The following BBS7 variants were observed in gnomAD, a reference collection of about 807,000 sequenced individuals.
BBS7 encodes Bardet-Biedl syndrome 7.
Under a neutral mutation model 90.3 loss-of-function variants are expected in BBS7, and 50 were observed. The observed-to-expected ratio is 0.55, with a 90% confidence interval of 0.44 to 0.70. BBS7 has a LOEUF of 0.70. Ranked by LOEUF, BBS7 falls within the 30% of genes least tolerant of loss-of-function variation. The probability of loss-of-function intolerance (pLI) is 0.00; values close to 1 mark genes in which losing one functional copy is unlikely to be tolerated. For synonymous variants in BBS7, 235 were observed against 287.4 expected (o/e 0.82, Z 1.85); for missense variants, 729 against 838.9 (o/e 0.87, Z 1.62).
intron 1 of BBS7, among the ~76,000 whole-genome samples, chr4:121,869,608 A>T (rs908064945): frequency 3.3e-5 from 5 of 152,074 alleles, no homozygotes; most frequent in Non-Finnish European, 7.4e-5. Context: ...GCATGATGTC[A>T]GCTCACTGCA....
chr4:121,867,194 G>C (rs1197828180), intron 2 of BBS7, among the ~76,000 whole-genome samples: 1 of 151,688 alleles, frequency 6.6e-6, no homozygotes, highest in Admixed American at 6.6e-5. Context: ...TATTATAATT[G>C]GGATTGTGTT....
In BBS7 at chr4:121,849,045, T is replaced by G. The variant is rs1726167372; in HGVS notation, c.850-117A>C. The G allele has an allele frequency of 9.3e-6, 7 of 750,174 alleles. No homozygotes were observed. In the South Asian group the frequency reaches 1.1e-4, roughly 11 times the overall value. The allele number at this position is 750,174 out of a possible 1,614,324, so 46.5% of individuals were successfully genotyped here. A position where few individuals can be genotyped will look rare whatever the true frequency, so the allele number is the denominator to read the frequency against. On this transcript the variant is annotated intron_variant, in intron 8 of 18. Coordinates refer to ENST00000264499, the MANE Select transcript of BBS7 (RefSeq NM_176824.3). Reference sequence around the variant, plus strand: ...ACATTCAACATATATTTACTGAATGTTTATGTGCAGACACTCAGATTAGAA... The same window carrying G: ...ACATTCAACATATATTTACTGAATGGTTATGTGCAGACACTCAGATTAGAA...
chr4:121,840,234 T>C (rs1224961443), intron 12 of BBS7, among the ~76,000 whole-genome samples: 4 of 152,180 alleles, frequency 2.6e-5, no homozygotes, highest in Non-Finnish European at 5.9e-5. Flanking sequence ...TTCTCTTGGC[T>C]CTCATTTTCT....
intron 2 of BBS7, among the ~76,000 whole-genome samples, chr4:121,865,389 C>T (rs1358421493): frequency 6.6e-6 from 1 of 152,086 alleles, no homozygotes; most frequent in Non-Finnish European, 1.5e-5. Flanking sequence ...CAGATGCCTG[C>T]CATCGTGCCT....
chr4:121,858,726 T>C, intron 5 of BBS7: 1 of 361,842 alleles, frequency 2.8e-6, no homozygotes, highest in South Asian at 3.4e-5. Context: ...GTAGTCAAAG[T>C]ACTCCATTCT....
At position 121,861,550 on chromosome 4, in the gene BBS7, G is replaced by A; in HGVS notation, c.295C>T (p.Gln99Ter). ...EIRGFTKRGK[Q>*]FLSFETNLTE... ...AGGTTTGTTTCAAAGGAGAGGAACT[G>A]TTTTCCTCTTTTTGTGAAGCCTCTA... is the stretch of plus-strand genomic sequence containing the variant. Residue 99 changes from glutamine to a stop codon, truncating the protein, a stop_gained, in exon 4 of 19, where the codon CAG becomes TAG. Transcript: ENST00000264499. LOFTEE classifies it high-confidence loss of function. 1.2e-6 allele frequency: 2 copies of A among 1,613,660 alleles called. No individual in the cohort carries two copies. Among genetic ancestry groups the A allele is most frequent in the Non-Finnish European group, 8.5e-7 (1 of 1,179,712 alleles).
chr4:121,829,592 T>C (rs1725081323), intron 15 of BBS7, among the ~76,000 whole-genome samples: 1 of 152,178 alleles, frequency 6.6e-6, no homozygotes, highest in East Asian at 1.9e-4. Context: ...ACCACTCCTC[T>C]TTCTCTTGCC....
chr4:121,864,857 A>G (rs578072700), intron 2 of BBS7, among the ~76,000 whole-genome samples: 1 of 152,322 alleles, frequency 6.6e-6, no homozygotes. Flanking sequence ...CACTGGGATA[A>G]TTAGCATATC....
intron 3 of BBS7, 150 bp downstream of exon 3, chr4:121,863,067 T>C (rs111229342): frequency 1.4e-6 from 1 of 711,142 alleles, no homozygotes. Flanking sequence ...ACTTTTGTGC[T>C]ACCCGCAGAC....
At chr4:121,838,723 TA>T (rs534107493) in intron 13 of BBS7, among the ~76,000 whole-genome samples, 276 of 140,778 alleles carry the variant, frequency 2.0e-3, no homozygotes, top group Admixed American at 2.0e-3. Context: ...ACCCCGTCCC[TA>T]AAAAAAAAAA....
At chr4:121,841,136 A>G (rs1406056929) in intron 12 of BBS7, among the ~76,000 whole-genome samples, 2 of 152,182 alleles carry the variant, frequency 1.3e-5, no homozygotes, top group African/African-American at 4.8e-5. Context: ...CACGGTGCCA[A>G]GCCGTAAATG....
In BBS7 at chr4:121,853,067, G is replaced by A. The variant is rs1379710604; in HGVS notation, c.738C>T (p.Ser246=). The A allele has an allele frequency of 6.2e-7, 1 of 1,613,318 alleles. No individual in the cohort carries two copies. The highest frequency in any genetic ancestry group is 1.7e-5 in the Admixed American group (1 of 60,004). The change falls in exon 8 of 19, where the codon AGC becomes AGT. Residue 246 remains serine, a synonymous_variant. Transcript: ENST00000264499. ...KKRGGILCID[S]FDIVGDGVKD... Reference sequence around the variant, plus strand: ...TAACCCCATCACCCACAATGTCAAAGCTGTCAATACACAAAATACCTTTAA... The same window carrying A: ...TAACCCCATCACCCACAATGTCAAAACTGTCAATACACAAAATACCTTTAA...
chr4:121,838,685 TCAGGA>T (rs1446761639), intron 13 of BBS7, among the ~76,000 whole-genome samples: 1 of 151,732 alleles, frequency 6.6e-6, no homozygotes, highest in Non-Finnish European at 1.5e-5. Flanking sequence ...AAGATGACTG[TCAGGA>T]CCAGCCTGGC....
At chr4:121,856,616 G>A (rs983587627) in intron 5 of BBS7, among the ~76,000 whole-genome samples, 6 of 152,022 alleles carry the variant, frequency 3.9e-5, no homozygotes, top group Admixed American at 3.9e-4. Flanking sequence ...GGAGGCTAAA[G>A]GAGGAGAATT....
chr4:121,851,854 T>C (rs904045400), intron 8 of BBS7, among the ~76,000 whole-genome samples: 1 of 152,182 alleles, frequency 6.6e-6, no homozygotes, highest in Non-Finnish European at 1.5e-5. Flanking sequence ...CCTCTGTCAT[T>C]AGACAGAAGA....
chr4:121,847,130 G>GAC (rs148067742), intron 10 of BBS7, among the ~76,000 whole-genome samples: 4 of 151,876 alleles, frequency 2.6e-5, no homozygotes, highest in Admixed American at 2.6e-4. Flanking sequence ...AAGTGTCTAT[G>GAC]ACACACACAC....
rs779382577 is a variant in BBS7, at chr4:121,828,383, C to T, written c.1890+19G>A. 1.6e-5 allele frequency: 26 copies of T among 1,602,354 alleles called. No homozygotes were observed. The African/African-American group carries it at 2.0e-4, about 12-fold the overall frequency. On this transcript the variant is annotated intron_variant, in intron 17 of 18. Transcript: ENST00000264499. ...ACTTCAAATAATAATCACCAGTCCA[C>T]GACGACACATGTACTTACTTTTAAA...
At chr4:121,856,455 G>A (rs1457901195) in intron 5 of BBS7, among the ~76,000 whole-genome samples, 1 of 152,068 alleles carries the variant, frequency 6.6e-6, no homozygotes, top group Non-Finnish European at 1.5e-5. Flanking sequence ...GGTGGCTTAT[G>A]CCTGTAATCC....
intron 2 of BBS7, among the ~76,000 whole-genome samples, chr4:121,865,949 G>T (rs1727248639): frequency 6.6e-6 from 1 of 152,044 alleles, no homozygotes; most frequent in African/African-American, 2.4e-5. Context: ...ATTGTGGTTT[G>T]ATTTGCCATT....
Sources: allele counts gnomAD v4.1 joint callset (sites outside exome capture counted in the v4.1 genomes callset), GRCh38; gene constraint gnomAD v4.1.1; transcripts MANE v1.5; gene names NCBI Gene and HGNC (gene_info 2026-07-23, HGNC 2026-07-21).